Variants in B4GALT1 observed in about 807,000 individuals in gnomAD.
B4GALT1 encodes the protein beta-1,4-galactosyltransferase 1.
A neutral mutation model predicts 34.9 loss-of-function variants in B4GALT1; 16 were observed. The ratio of observed to expected loss-of-function variants is 0.46; its 90% CI spans 0.31 to 0.70. B4GALT1 has a LOEUF of 0.70. Ranked by LOEUF, B4GALT1 falls within the 30% of genes least tolerant of loss-of-function variation. The pLI, the probability that B4GALT1 is intolerant of heterozygous loss-of-function variation, is 0.05. For missense variants in B4GALT1, 445 were observed against 530.5 expected (o/e 0.84, Z 1.58); for synonymous variants, 221 against 218.1 (o/e 1.01, Z -0.12).
chr9:33,184,709 T>C, the B4GALT1 span, among the ~76,000 whole-genome samples: 1 of 152,190 alleles, frequency 6.6e-6, no homozygotes, highest in Non-Finnish European at 1.5e-5. Context: ...GATCCACAGA[T>C]CACACTTTGA....
In B4GALT1 at chr9:33,166,859, A is replaced by C. The variant is rs2118348748; in HGVS notation, c.311T>G (p.Val104Gly). ...GCTAGCGGGGCCAGGGCCAGAATCC[A>C]CGACTGGGCTGGAGTCGCCACCCGG... ...PRPGGDSSPVVDSGPGPASNL... is the reference protein window; with the variant it reads ...PRPGGDSSPVGDSGPGPASNL... Residue 104 changes from valine (V) to glycine (G), a missense_variant, in exon 1 of 6, where the codon GTG becomes GGG. This residue lies in a region of B4GALT1 where 349 missense variants were observed against 395.5 expected (regional missense o/e 0.88). Coordinates refer to ENST00000379731, the MANE Select transcript of B4GALT1 (RefSeq NM_001497.4). 1 of 1,572,170 alleles carries C rather than the reference A, an allele frequency of 6.4e-7. No homozygotes were observed. The highest frequency in any genetic ancestry group is 1.2e-5 in the South Asian group (1 of 86,598).
the B4GALT1 span, among the ~76,000 whole-genome samples, chr9:33,181,874 A>T: frequency 1.3e-5 from 2 of 152,168 alleles, no homozygotes; most frequent in African/African-American, 4.8e-5. Flanking sequence ...AAACAACAGA[A>T]ATTGATTCTC....
In B4GALT1 at chr9:33,152,296, T is replaced by G. The variant is rs376115453; in HGVS notation, c.412+14462A>C. On this transcript the variant is annotated intron_variant, in intron 1 of 5. Transcript: ENST00000379731. ...TCCAGCCTGGGCGACAGAGCAAGACTCCCTCTCCAAAAAATAACATAACAT... is the reference window on the plus strand; with the variant it reads ...TCCAGCCTGGGCGACAGAGCAAGACGCCCTCTCCAAAAAATAACATAACAT... Among the ~76,000 whole-genome samples the G allele has an allele frequency of 4.0e-5, 6 of 148,690 alleles. 1 individual carries two copies. The highest frequency in any genetic ancestry group is 1.2e-4 in the African/African-American group (5 of 40,522).
chr9:33,179,512 C>T, the B4GALT1 span: 1 of 152,236 alleles, frequency 6.6e-6, no homozygotes, highest in South Asian at 2.1e-4. Context: ...AGGCAGCCTG[C>T]TCCCTTGTGG....
downstream of B4GALT1, among the ~76,000 whole-genome samples, chr9:33,108,434 G>T (rs1201472102): frequency 1.5e-5 from 2 of 131,128 alleles, no homozygotes; most frequent in African/African-American, 5.8e-5. Flanking sequence ...TCAACATATT[G>T]AAACTCTGTC....
chr9:33,121,035 G>A lies in B4GALT1; in HGVS notation c.649-429C>T, dbSNP rs186256795. ...TATACACACTATAAATAAACTCCAGGAAAGGTATCCAGGAAACTGGTGACA... is the reference window on the plus strand; with the variant it reads ...TATACACACTATAAATAAACTCCAGAAAAGGTATCCAGGAAACTGGTGACA... On this transcript the variant is annotated intron_variant, in intron 2 of 5. Transcript: ENST00000379731. Among the ~76,000 whole-genome samples, 13 of 152,298 alleles carry A rather than the reference G, an allele frequency of 8.5e-5. No homozygotes were observed. The East Asian group carries it at 2.3e-3, about 27-fold the overall frequency.
In B4GALT1 at chr9:33,166,747, C is replaced by G. The variant is rs73472943; in HGVS notation, c.412+11G>C. 6.7e-6 allele frequency: 10 copies of G among 1,500,470 alleles called. No individual in the cohort carries two copies. In the East Asian group the frequency reaches 2.1e-4, roughly 32 times the overall value. The allele number at this position is 1,500,470 out of a possible 1,614,324, so 92.9% of individuals were successfully genotyped here. A position where few individuals can be genotyped will look rare whatever the true frequency, so the allele number is the denominator to read the frequency against. On this transcript the variant is annotated intron_variant, in intron 1 of 5. Transcript: ENST00000379731. ...CCCAATCCTCCGACTGGCGCCGACC[C>G]GAGTCCTTACCAAGCAGCGGGGACT... is the stretch of plus-strand genomic sequence containing the variant.
intron 1 of B4GALT1, among the ~76,000 whole-genome samples, chr9:33,137,463 G>A (rs1336728904): frequency 6.6e-6 from 1 of 152,162 alleles, no homozygotes; most frequent in South Asian, 2.1e-4. Flanking sequence ...TTGAAGCTCA[G>A]TCCCTTATAA....
Position 33,111,688 on chromosome 9 carries a change from G to A in B4GALT1, c.*1766C>T, listed in dbSNP as rs17326497. 0.04 allele frequency: 6,131 copies of A among 152,804 alleles called. 157 individuals carry two copies. Among genetic ancestry groups the A allele is most frequent in the Non-Finnish European group, 0.062 (4,207 of 68,070 alleles). The allele number at this position is 152,804 out of a possible 1,614,324, so 9.5% of individuals were successfully genotyped here. On this transcript the variant is annotated 3_prime_UTR_variant, in exon 6 of 6. Transcript: ENST00000379731. ...CCAGGAGGGCAGTGGTTTGGGGTCCGCCACGAGCACAAGGCTCAACCCTGG... is the reference window on the plus strand; with the variant it reads ...CCAGGAGGGCAGTGGTTTGGGGTCCACCACGAGCACAAGGCTCAACCCTGG...
chr9:33,167,384 C>T (rs1012906840), upstream of B4GALT1: 3 of 492,484 alleles, frequency 6.1e-6, no homozygotes, highest in Admixed American at 4.6e-5. Context: ...GGGCGGGGCC[C>T]CGGCGAAGGC....
In B4GALT1 at chr9:33,135,146, C is replaced by T. The variant is rs1358726886; in HGVS notation, c.648+43G>A. On this transcript the variant is annotated intron_variant, in intron 2 of 5. Transcript: ENST00000379731. ...TACACACACATCTGATACACATCTG[C>T]ATGCACACACACCCTCTCTCATTCC... 2.6e-6 allele frequency: 4 copies of T among 1,552,520 alleles called. No homozygotes were observed. The East Asian group carries it at 6.7e-5, about 26-fold the overall frequency.
chr9:33,155,413 CTCAA>C (rs1158250932), intron 1 of B4GALT1, among the ~76,000 whole-genome samples: 1 of 152,216 alleles, frequency 6.6e-6, no homozygotes, highest in Non-Finnish European at 1.5e-5. Context: ...TCACCTAAGA[CTCAA>C]TCAAACATCT....
chr9:33,106,630 A>G (rs150344796), downstream of B4GALT1, among the ~76,000 whole-genome samples: 2 of 152,318 alleles, frequency 1.3e-5, no homozygotes, highest in Admixed American at 6.5e-5. Context: ...ACCAGGTAGA[A>G]CTTTAATAGC....
intron 1 of B4GALT1, among the ~76,000 whole-genome samples, chr9:33,140,685 T>C (rs1840336130): frequency 1.3e-5 from 2 of 152,234 alleles, no homozygotes; most frequent in Admixed American, 1.3e-4. Flanking sequence ...GACAGTACAC[T>C]GCACAGCCCC....
At chr9:33,139,692 A>T (rs930710354) in intron 1 of B4GALT1, among the ~76,000 whole-genome samples, 1 of 152,154 alleles carries the variant, frequency 6.6e-6, no homozygotes, top group African/African-American at 2.4e-5. Flanking sequence ...GGCAACGACT[A>T]CCTCTGTTCA....
At chr9:33,117,513 G>C (rs1193974660) in intron 3 of B4GALT1, among the ~76,000 whole-genome samples, 2 of 152,164 alleles carry the variant, frequency 1.3e-5, no homozygotes, top group Admixed American at 6.5e-5. Context: ...GTGGTTTTGT[G>C]TGACTCTGAG....
chr9:33,129,997 G>A (rs1840170592), intron 2 of B4GALT1, among the ~76,000 whole-genome samples: 1 of 152,150 alleles, frequency 6.6e-6, no homozygotes, highest in African/African-American at 2.4e-5. Flanking sequence ...ATGCTAACAG[G>A]TTTAAAAGAG....
intron 2 of B4GALT1, 115 bp downstream of exon 2, chr9:33,135,074 G>T (rs1223325798): frequency 6.3e-6 from 7 of 1,114,258 alleles, no homozygotes; most frequent in Non-Finnish European, 9.2e-6. Context: ...GTTCCTCGCT[G>T]TAAGTGCCAG....
At chr9:33,126,638 T>G (rs1253509595) in intron 2 of B4GALT1, among the ~76,000 whole-genome samples, 1 of 152,248 alleles carries the variant, frequency 6.6e-6, no homozygotes, top group African/African-American at 2.4e-5. Context: ...ATTGTTAACA[T>G]TGTTAACTAT....
Sources: gnomAD v4.1 joint callset for allele counts (sites outside exome capture counted in the v4.1 genomes callset) on GRCh38, gnomAD v4.1.1 for gene constraint, gnomAD v4.1.1 regional missense constraint, MANE v1.5 for transcripts, NCBI Gene and HGNC (gene_info 2026-07-23, HGNC 2026-07-21) for gene names.